The following DOK7 variants were observed in gnomAD, a reference collection of about 807,000 sequenced individuals.
DOK7 encodes the protein protein Dok-7.
Under a neutral mutation model 30.7 loss-of-function variants are expected in DOK7, and 32 were observed. The ratio of observed to expected loss-of-function variants is 1.04; its 90% CI spans 0.79 to 1.40. DOK7 has a LOEUF of 1.40. Among genes scored for constraint, DOK7 ranks in the 40% most tolerant of loss-of-function variants. DOK7 has a pLI of 0.00. For missense variants in DOK7, 1,007 were observed against 699.2 expected (o/e 1.44, Z -4.97); for synonymous variants, 447 against 324.1 (o/e 1.38, Z -4.07).
At chr4:3,485,771 A>C (rs989973922) in intron 5 of DOK7, 113 bp downstream of exon 5, 4 of 1,326,896 alleles carry the variant, frequency 3.0e-6, no homozygotes, top group Admixed American at 7.3e-5. Flanking sequence ...CAGCCTCCCC[A>C]CCCCCAGCTA....
At position 3,491,407 on chromosome 4, in the gene DOK7, CT is replaced by C. The variant is rs1560229473; in HGVS notation, c.773-1350del. Among the ~76,000 whole-genome samples, 99 of 117,844 alleles carry C rather than the reference CT, an allele frequency of 8.4e-4. 1 individual carries two copies. Among genetic ancestry groups the C allele is most frequent in the South Asian group, 7.4e-3 (28 of 3,808 alleles). 77.3% of individuals were successfully genotyped at this position (117,844 alleles called of 152,430 possible). On this transcript the variant is annotated intron_variant, in intron 6 of 6. Coordinates refer to ENST00000340083, the MANE Select transcript of DOK7 (RefSeq NM_173660.5). ...GTTCATTCCTTCCTGCTCACCCCAG[CT>C]TCCTTCTTTCCTTCTTCCCCTGCTC... is the stretch of plus-strand genomic sequence containing the variant.
exon 8 of DOK7, chr4:3,500,849 G>A (rs1053971619): frequency 2.9e-5 from 44 of 1,517,854 alleles, no homozygotes; most frequent in Non-Finnish European, 3.7e-5. Context: ...GGAGCTGACC[G>A]CAAACCCGGT....
chr4:3,480,205 C>G (rs1039674221), intron 4 of DOK7, among the ~76,000 whole-genome samples: 4 of 152,198 alleles, frequency 2.6e-5, no homozygotes, highest in South Asian at 2.1e-4. Context: ...CTTTTTCCCC[C>G]CTTACCTGCT....
chr4:3,501,082 C>T (rs371138071), exon 8 of DOK7: 43 of 529,930 alleles, frequency 8.1e-5, no homozygotes, highest in East Asian at 7.0e-4. Context: ...GACTGAGGCC[C>T]TGCTTCCAGG....
At chr4:3,486,521 G>A (rs1023122028) in intron 5 of DOK7, among the ~76,000 whole-genome samples, 3 of 152,184 alleles carry the variant, frequency 2.0e-5, no homozygotes, top group Admixed American at 6.5e-5. Context: ...GGTGGGACCT[G>A]GGCCTCCCTT....
downstream of DOK7, among the ~76,000 whole-genome samples, chr4:3,495,196 C>A (rs1378055039): frequency 6.6e-6 from 1 of 152,236 alleles, no homozygotes; most frequent in Admixed American, 6.5e-5. Flanking sequence ...GGTCACTCTT[C>A]AGGCGCTCAA....
downstream of DOK7, among the ~76,000 whole-genome samples, chr4:3,495,288 T>C (rs1728844056): frequency 6.6e-6 from 1 of 152,162 alleles, no homozygotes. Flanking sequence ...AGTGAGGCTG[T>C]GGCTCCTTTG....
chr4:3,497,035 T>C (rs1728949350), downstream of DOK7, among the ~76,000 whole-genome samples: 2 of 150,356 alleles, frequency 1.3e-5, no homozygotes, highest in African/African-American at 4.9e-5. Context: ...ACAGTGGATG[T>C]TGGGTGGCAG....
At chr4:3,497,397 C>A (rs903060620), downstream of DOK7, among the ~76,000 whole-genome samples, 1 of 151,688 alleles carries the variant, frequency 6.6e-6, no homozygotes. Flanking sequence ...GTTTTGGGGC[C>A]AGGTTGGGAG....
Position 3,494,352 on chromosome 4 carries a change from GCACAGCCTGGAGCCTGCCCTGAC to G in DOK7, c.*859_*881del, listed in dbSNP as rs952759630. The G allele has an allele frequency of 1.7e-5, 17 of 985,710 alleles. No individual in the cohort carries two copies. Among genetic ancestry groups the G allele is most frequent in the African/African-American group, 1.2e-4 (7 of 57,264 alleles). The allele number at this position is 985,710 out of a possible 1,614,324, so 61.1% of individuals were successfully genotyped here. On this transcript the variant is annotated 3_prime_UTR_variant, in exon 7 of 7. Transcript: ENST00000340083. ...CCCCCGCCCTGGGTGGCTTCCTCTTGCACAGCCTGGAGCCTGCCCTGACCACAGCCCAGCAGCTCCCTGTGAAC... is the reference window on the plus strand; with the variant it reads ...CCCCCGCCCTGGGTGGCTTCCTCTTGCACAGCCCAGCAGCTCCCTGTGAAC...
At chr4:3,494,484 C>T (rs932954777), downstream of DOK7, 3 of 985,480 alleles carry the variant, frequency 3.0e-6, no homozygotes, top group Non-Finnish European at 2.4e-6. Flanking sequence ...CTTTCCTTAC[C>T]ACCTTGTCCT....
chr4:3,489,557 T>C (rs1054230525), intron 5 of DOK7, 120 bp from the exon 6 acceptor site: 1 of 1,492,024 alleles, frequency 6.7e-7, no homozygotes, highest in Admixed American at 2.0e-5. Flanking sequence ...GAGCGGGGAC[T>C]CCCAGGGGAC....
intron 2 of DOK7, among the ~76,000 whole-genome samples, chr4:3,469,210 C>T (rs926015523): frequency 2.3e-4 from 35 of 150,040 alleles, no homozygotes; most frequent in African/African-American, 6.8e-4. Context: ...AGTGTGTGTG[C>T]CTCTGTGTGA....
chr4:3,493,396 C>T lies in DOK7; in HGVS notation c.1410C>T (p.Ala470=), dbSNP rs754436430. The change falls in exon 7 of 7, where the codon GCC becomes GCT. Residue 470 remains alanine, a synonymous_variant. Transcript: ENST00000340083. ...GCGAGGCCACACTGCCTGGCCCTGC[C>T]CCTGGCGAGCCCTGGGAAGCAGGCG... The part of the protein sequence containing the change: ...QGSEATLPGP[A]PGEPWEAGGP... The T allele has an allele frequency of 7.5e-6, 12 of 1,593,974 alleles. No homozygotes were observed. In the Admixed American group the frequency reaches 1.1e-4, roughly 14 times the overall value.
At chr4:3,478,410 G>T (rs1013099722) in intron 4 of DOK7, among the ~76,000 whole-genome samples, 3 of 151,878 alleles carry the variant, frequency 2.0e-5, no homozygotes, top group African/African-American at 7.3e-5. Flanking sequence ...CTCAAAAGCT[G>T]GGGGCACTCT....
chr4:3,493,689 G>A lies in DOK7; in HGVS notation c.*188G>A, dbSNP rs189300778. 4.2e-6 allele frequency: 6 copies of A among 1,442,330 alleles called. No individual in the cohort carries two copies. The highest frequency in any genetic ancestry group is 5.0e-5 in the East Asian group (2 of 39,808). The allele number at this position is 1,442,330 out of a possible 1,614,324, so 89.3% of individuals were successfully genotyped here. On this transcript the variant is annotated 3_prime_UTR_variant, in exon 7 of 7. Transcript: ENST00000340083. Reference sequence around the variant, plus strand: ...CGGAGGAAGGGGCTGACTTGGGGAGGTGAGTTCTGGAAGGCAGGGGCTCTG... The same window carrying A: ...CGGAGGAAGGGGCTGACTTGGGGAGATGAGTTCTGGAAGGCAGGGGCTCTG...
At chr4:3,474,624 C>T (rs1170480681) in intron 3 of DOK7, among the ~76,000 whole-genome samples, 1 of 152,208 alleles carries the variant, frequency 6.6e-6, no homozygotes. Flanking sequence ...GACTTCGAGA[C>T]CAGCCTGGCC....
In DOK7 at chr4:3,492,370, G is replaced by T. The variant is rs371423078; in HGVS notation, c.773-389G>T. ...GACCAGCCTGGGGCCGTGATGGTGC[G>T]GAGGGCAAGCTGCCCCAGGTGGCCC... On this transcript the variant is annotated intron_variant, in intron 6 of 6. Coordinates refer to ENST00000340083, the MANE Select transcript of DOK7 (RefSeq NM_173660.5). 2.3e-3 allele frequency among the ~76,000 whole-genome samples: 357 copies of T among 152,060 alleles called. 5 individuals carry two copies. Among genetic ancestry groups the T allele is most frequent in the African/African-American group, 7.5e-3 (309 of 41,472 alleles).
downstream of DOK7, among the ~76,000 whole-genome samples, chr4:3,498,436 C>A (rs951880758): frequency 6.6e-6 from 1 of 152,196 alleles, no homozygotes; most frequent in Non-Finnish European, 1.5e-5. Context: ...CACCCCTCAC[C>A]GCCCAACCTT....
Sources: gnomAD v4.1 joint callset for allele counts (sites outside exome capture counted in the v4.1 genomes callset) on GRCh38, gnomAD v4.1.1 for gene constraint, MANE v1.5 for transcripts, NCBI Gene and HGNC (gene_info 2026-07-23, HGNC 2026-07-21) for gene names.